The following GRID2 variants were observed in gnomAD, a reference collection of about 807,000 sequenced individuals.
GRID2 encodes the protein glutamate ionotropic receptor delta type subunit 2.
A neutral mutation model predicts 114.8 loss-of-function variants in GRID2; 33 were observed. The ratio of observed to expected loss-of-function variants is 0.29; its 90% CI spans 0.22 to 0.38. The LOEUF (loss-of-function observed/expected upper bound fraction) is 0.38. Ranked by LOEUF, GRID2 falls within the 10% of genes least tolerant of loss-of-function variation. GRID2 has a pLI of 1.00. For synonymous variants in GRID2, 505 were observed against 449.9 expected, an observed-to-expected ratio of 1.12 and a Z score of -1.55; for missense variants, 1,184 against 1,257.7, an observed-to-expected ratio of 0.94 and a Z score of 0.89.
intron 1 of GRID2, among the ~76,000 whole-genome samples, chr4:92,562,193 T>A (rs1017607696): frequency 6.6e-6 from 1 of 152,080 alleles, no homozygotes; most frequent in African/African-American, 2.4e-5. Context: ...CAACATGAAA[T>A]CTCCTTGAAA....
chr4:93,771,378 CT>C (rs1043402631), intron 15 of GRID2, among the ~76,000 whole-genome samples: 8 of 152,300 alleles, frequency 5.3e-5, no homozygotes, highest in Non-Finnish European at 1.0e-4. Context: ...TGGCCCTAAA[CT>C]AAAGCTATCA....
At chr4:93,124,748 C>T (rs1360818996) in intron 4 of GRID2, among the ~76,000 whole-genome samples, 1 of 152,068 alleles carries the variant, frequency 6.6e-6, no homozygotes, top group Non-Finnish European at 1.5e-5. Context: ...CAGACTTTTT[C>T]TCACTATAAT....
At chr4:93,367,694 C>T (rs1396977208) in intron 8 of GRID2, among the ~76,000 whole-genome samples, 5 of 152,076 alleles carry the variant, frequency 3.3e-5, no homozygotes, top group East Asian at 1.9e-4. Flanking sequence ...GAGACAATGT[C>T]GTGTGAAATT....
intron 12 of GRID2, among the ~76,000 whole-genome samples, chr4:93,509,959 C>T (rs779024033): frequency 1.1e-4 from 17 of 152,172 alleles, no homozygotes; most frequent in Non-Finnish European, 2.5e-4. Flanking sequence ...GCTCTCAGGG[C>T]TGTAACAATA....
intron 4 of GRID2, among the ~76,000 whole-genome samples, chr4:93,202,874 A>T (rs1364279441): frequency 1.3e-5 from 2 of 152,064 alleles, no homozygotes; most frequent in Non-Finnish European, 2.9e-5. Context: ...CTTTAATTCT[A>T]CTTCTACTGG....
intron 10 of GRID2, among the ~76,000 whole-genome samples, chr4:93,444,783 C>G (rs1038951062): frequency 2.6e-5 from 4 of 151,868 alleles, no homozygotes; most frequent in African/African-American, 9.7e-5. Flanking sequence ...ATGTATTTCT[C>G]TAAGATTACA....
In GRID2 at chr4:93,662,426, G is replaced by A. The variant is rs573697939; in HGVS notation, c.2360+35991G>A. Among the ~76,000 whole-genome samples the A allele has an allele frequency of 3.3e-5, 5 of 152,304 alleles. No homozygotes were observed. The South Asian group carries it at 1.0e-3, about 32-fold the overall frequency. ...TGTTTTATTCACTGTGGTATGCCCA[G>A]TACCTAAAACAGTGCCTAAAAGTTT... is the stretch of plus-strand genomic sequence containing the variant. On this transcript the variant is annotated intron_variant, in intron 14 of 15. Coordinates refer to ENST00000282020, the MANE Select transcript of GRID2 (RefSeq NM_001510.4).
chr4:92,684,434 A>C (rs1044199733), intron 2 of GRID2, among the ~76,000 whole-genome samples: 1 of 151,958 alleles, frequency 6.6e-6, no homozygotes, highest in Non-Finnish European at 1.5e-5. Context: ...AGTAAGTATA[A>C]ATTTCTGTAA....
At chr4:92,536,544 T>C (rs1456999467) in intron 1 of GRID2, among the ~76,000 whole-genome samples, 1 of 152,214 alleles carries the variant, frequency 6.6e-6, no homozygotes, top group Non-Finnish European at 1.5e-5. Flanking sequence ...AGAATGAAGA[T>C]GAAATAAAAA....
chr4:93,184,694 C>T (rs1351382396), intron 4 of GRID2, among the ~76,000 whole-genome samples: 1 of 151,866 alleles, frequency 6.6e-6, no homozygotes, highest in Non-Finnish European at 1.5e-5. Context: ...CCAGCCTGGC[C>T]AACACAGTGA....
chr4:92,796,778 C>G (rs1204069730), intron 2 of GRID2, among the ~76,000 whole-genome samples: 2 of 151,800 alleles, frequency 1.3e-5, no homozygotes, highest in Non-Finnish European at 2.9e-5. Context: ...ATCAAACCAT[C>G]CTTTGCTGGG....
intron 1 of GRID2, among the ~76,000 whole-genome samples, chr4:92,361,754 T>A (rs1331265195): frequency 6.6e-6 from 1 of 151,988 alleles, no homozygotes; most frequent in Non-Finnish European, 1.5e-5. Context: ...CTGGTTATAG[T>A]GGAAGGGCCT....
chr4:92,653,355 GT>G lies in GRID2; in HGVS notation c.244+63072del, dbSNP rs200498110. ...TGTGTGTGTGTGTGTGTGTTTGTGT[GT>G]TTGTAATTGTTTTCAGGAGCTAGAG... is the stretch of plus-strand genomic sequence containing the variant. On this transcript the variant is annotated intron_variant, in intron 2 of 15. Coordinates refer to ENST00000282020, the MANE Select transcript of GRID2 (RefSeq NM_001510.4). Among the ~76,000 whole-genome samples, 852 of 150,784 alleles carry G rather than the reference GT, an allele frequency of 5.7e-3. 6 individuals are homozygous for G. The highest frequency in any genetic ancestry group is 0.02 in the African/African-American group (822 of 41,024).
intron 2 of GRID2, among the ~76,000 whole-genome samples, chr4:93,060,670 T>C (rs2904467): frequency 0.031 from 4,728 of 152,314 alleles, 97 homozygotes; most frequent in Middle Eastern, 0.058. Flanking sequence ...ACATATATTT[T>C]TACTTTTGCT....
chr4:92,739,304 A>G (rs940824478), intron 2 of GRID2, among the ~76,000 whole-genome samples: 1 of 152,182 alleles, frequency 6.6e-6, no homozygotes, highest in Non-Finnish European at 1.5e-5. Context: ...GATTCTTCAA[A>G]TTATGTCAGA....
chr4:92,426,420 G>C (rs146259676), intron 1 of GRID2, among the ~76,000 whole-genome samples: 1 of 152,060 alleles, frequency 6.6e-6, no homozygotes, highest in Non-Finnish European at 1.5e-5. Context: ...ACACAGTTGG[G>C]AATAACCAAT....
At position 92,661,308 on chromosome 4, in the gene GRID2, A is replaced by G. The variant is rs1732504104; in HGVS notation, c.244+71022A>G. On this transcript the variant is annotated intron_variant, in intron 2 of 15. Transcript: ENST00000282020. ...ACATTAAAAAGTCACCCTGTTTAAA[A>G]GTATCAAAAAATCTAACATCTAATG... 2.0e-5 allele frequency among the ~76,000 whole-genome samples: 3 copies of G among 151,032 alleles called. No homozygotes were observed. The Admixed American group carries it at 2.0e-4, about 10-fold the overall frequency.
At chr4:93,164,400 G>A (rs896764575) in intron 4 of GRID2, among the ~76,000 whole-genome samples, 1 of 151,988 alleles carries the variant, frequency 6.6e-6, no homozygotes, top group Non-Finnish European at 1.5e-5. Context: ...TTTATTACAA[G>A]ACAAATTAAA....
chr4:93,595,852 A>G (rs1560796756), intron 13 of GRID2, among the ~76,000 whole-genome samples: 1 of 152,220 alleles, frequency 6.6e-6, no homozygotes, highest in African/African-American at 2.4e-5. Flanking sequence ...CAGGTACCAC[A>G]TTAATAACAA....
Sources: allele counts gnomAD v4.1 joint callset (sites outside exome capture counted in the v4.1 genomes callset), GRCh38; gene constraint gnomAD v4.1.1; transcripts MANE v1.5; gene names NCBI Gene and HGNC (gene_info 2026-07-23, HGNC 2026-07-21).